The following SPATA13 variants were observed in gnomAD, a reference collection of about 807,000 sequenced individuals.
SPATA13 encodes the protein spermatogenesis-associated protein 13.
In SPATA13, 50 loss-of-function variants were observed where a neutral mutation model predicts 104.0. That is an observed-to-expected ratio of 0.48 (90% CI 0.38 to 0.61). The LOEUF is 0.61. SPATA13 is among the 20% of genes least tolerant of loss of function. The pLI is 0.00. For synonymous variants in SPATA13, 606 were observed against 667.5 expected (o/e 0.91, Z 1.42); for missense variants, 1,524 against 1,690.6 (o/e 0.90, Z 1.73).
chr13:24,226,341 A>T (rs1278996970), intron 2 of SPATA13, among the ~76,000 whole-genome samples: 1 of 152,214 alleles, frequency 6.6e-6, no homozygotes, highest in East Asian at 1.9e-4. Context: ...TGAATTAGGA[A>T]CATGCAGTTT....
chr13:24,068,853 T>G (rs1459443712), intron 3 of SPATA13, among the ~76,000 whole-genome samples: 2 of 152,190 alleles, frequency 1.3e-5, no homozygotes, highest in Non-Finnish European at 2.9e-5. Flanking sequence ...TTCCCACTTT[T>G]TAATGAAGTT....
chr13:24,297,306 T>C (rs1253626472), intron 10 of SPATA13, 57 bp from the exon 11 acceptor site: 1 of 1,544,260 alleles, frequency 6.5e-7, no homozygotes, highest in Non-Finnish European at 8.7e-7. Flanking sequence ...CTTAAGTAGC[T>C]AGGACTACAG....
chr13:24,123,446 A>G, intron 3 of SPATA13: 3 of 1,478,012 alleles, frequency 2.0e-6, no homozygotes, highest in Non-Finnish European at 2.8e-6. Context: ...ATTCCATCTG[A>G]TCGTTATAGA....
intron 4 of SPATA13, among the ~76,000 whole-genome samples, chr13:24,277,965 A>G (rs1263732110): frequency 1.3e-5 from 2 of 152,178 alleles, no homozygotes; most frequent in African/African-American, 4.8e-5. Context: ...GGAGTCATTA[A>G]CTTTAAGGGA....
chr13:24,044,178 C>T (rs946393827), intron 3 of SPATA13, among the ~76,000 whole-genome samples: 1 of 151,972 alleles, frequency 6.6e-6, no homozygotes, highest in African/African-American at 2.4e-5. Flanking sequence ...ACAGTGATGG[C>T]CTGGTGGGCC....
intron 3 of SPATA13, among the ~76,000 whole-genome samples, chr13:24,084,734 A>G (rs1186873513): frequency 2.0e-5 from 3 of 152,108 alleles, no homozygotes; most frequent in Middle Eastern, 3.2e-3. Flanking sequence ...TAAATCAATG[A>G]AGTGGCGCAG....
chr13:24,105,964 C>A (rs1208013707), intron 3 of SPATA13, among the ~76,000 whole-genome samples: 1 of 152,226 alleles, frequency 6.6e-6, no homozygotes, highest in Non-Finnish European at 1.5e-5. Context: ...TCTTGAACTT[C>A]CAGCTTCTAG....
chr13:24,280,710 T>C (rs1875437719), intron 4 of SPATA13, among the ~76,000 whole-genome samples: 1 of 152,014 alleles, frequency 6.6e-6, no homozygotes, highest in African/African-American at 2.4e-5. Context: ...GGGCAGCCGC[T>C]CCAGGGTTAG....
At chr13:24,001,378 G>C (rs1425335889) in intron 2 of SPATA13, among the ~76,000 whole-genome samples, 1 of 152,064 alleles carries the variant, frequency 6.6e-6, no homozygotes, top group East Asian at 1.9e-4. Context: ...AGTGTCTGGG[G>C]ACACCTGCTT....
chr13:24,096,674 CA>C (rs998301744), intron 3 of SPATA13, among the ~76,000 whole-genome samples: 1 of 151,740 alleles, frequency 6.6e-6, no homozygotes, highest in Non-Finnish European at 1.5e-5. Flanking sequence ...GTGAGAAATT[CA>C]ACTGAGAAAT....
chr13:24,162,450 A>G (rs1882542560), intron 1 of SPATA13: 1 of 155,756 alleles, frequency 6.4e-6, no homozygotes. Flanking sequence ...CACCTTGCAG[A>G]CGGCTTTCTC....
intron 1 of SPATA13, among the ~76,000 whole-genome samples, chr13:24,178,755 T>C (rs1868602374): frequency 6.6e-6 from 1 of 152,212 alleles, no homozygotes; most frequent in Admixed American, 6.5e-5. Context: ...GGCCTCTTTG[T>C]TTCTTTTTTT....
At chr13:24,089,430 T>A (rs1593322470) in intron 3 of SPATA13, among the ~76,000 whole-genome samples, 1 of 152,312 alleles carries the variant, frequency 6.6e-6, no homozygotes, top group Middle Eastern at 3.4e-3. Context: ...GGCACAAGAT[T>A]GGTCTATTAT....
chr13:24,014,265 G>C (rs1876610277), intron 2 of SPATA13, among the ~76,000 whole-genome samples: 2 of 152,140 alleles, frequency 1.3e-5, no homozygotes, highest in Non-Finnish European at 2.9e-5. Flanking sequence ...TAGGACACAA[G>C]TCATATTGGA....
chr13:24,168,822 A>C (rs1311403571), intron 1 of SPATA13, among the ~76,000 whole-genome samples: 5 of 152,228 alleles, frequency 3.3e-5, no homozygotes, highest in Non-Finnish European at 7.3e-5. Context: ...TAAATAAGGA[A>C]AGTTAAAATC....
intron 1 of SPATA13, among the ~76,000 whole-genome samples, chr13:24,195,572 A>G (rs1211350054): frequency 6.6e-6 from 1 of 152,204 alleles, no homozygotes. Context: ...CCAGCAATAT[A>G]AGAGTGTTCT....
intron 3 of SPATA13, among the ~76,000 whole-genome samples, chr13:24,032,181 AC>A (rs932947389): frequency 3.3e-5 from 5 of 152,008 alleles, no homozygotes; most frequent in African/African-American, 9.7e-5. Flanking sequence ...TTCAGCTACA[AC>A]CCCACCTCAC....
At chr13:24,099,971 C>T (rs1231280521) in intron 3 of SPATA13, among the ~76,000 whole-genome samples, 1 of 152,116 alleles carries the variant, frequency 6.6e-6, no homozygotes. Flanking sequence ...GAGGAAGAAC[C>T]GTGACTGGCC....
intron 3 of SPATA13, among the ~76,000 whole-genome samples, chr13:24,037,039 G>A (rs1199197762): frequency 6.6e-6 from 1 of 151,964 alleles, no homozygotes; most frequent in African/African-American, 2.4e-5. Flanking sequence ...CTCCCAAAGT[G>A]CTGGGATTAC....
Sources: allele counts gnomAD v4.1 joint callset (sites outside exome capture counted in the v4.1 genomes callset), GRCh38; gene constraint gnomAD v4.1.1; transcripts MANE v1.5; gene names NCBI Gene and HGNC (gene_info 2026-07-23, HGNC 2026-07-21).